Variants in SMAP1 observed in about 807,000 individuals in gnomAD.
SMAP1 encodes small ArfGAP 1.
SMAP1 carries 24 observed loss-of-function variants against 58.5 expected under a neutral mutation model. The ratio of observed to expected loss-of-function variants is 0.41; its 90% CI spans 0.30 to 0.58. SMAP1 has a LOEUF of 0.58. SMAP1 is among the 20% of genes least tolerant of loss of function. The probability of loss-of-function intolerance (pLI) is 0.29; values close to 1 mark genes in which losing one functional copy is unlikely to be tolerated. For missense variants in SMAP1, 563 were observed against 566.3 expected (o/e 0.99, Z 0.06); for synonymous variants, 216 against 196.6 (o/e 1.10, Z -0.82).
chr6:70,852,584 C>G lies in SMAP1; in HGVS notation c.709C>G (p.Pro237Ala). 6.2e-7 allele frequency: 1 copy of G among 1,609,224 alleles called. No individual in the cohort carries two copies. Among genetic ancestry groups the G allele is most frequent in the Non-Finnish European group, 8.5e-7 (1 of 1,177,622 alleles). ...APVTNGNTTV[P>A]PLNDDLDIFG... ...AGTGACCAACGGGAACACAACGGTGCCACCCCTGAACGATGATCTGGACAT... is the reference window on the plus strand; with the variant it reads ...AGTGACCAACGGGAACACAACGGTGGCACCCCTGAACGATGATCTGGACAT... The change falls in exon 8 of 11, where the codon CCA becomes GCA. Residue 237 changes from proline to alanine, a missense_variant. Physicochemically the swap from Pro to Ala is conservative, Grantham distance 27. This residue lies in a region of SMAP1 where 494 missense variants were observed against 473.8 expected (regional missense o/e 1.04). Transcript: ENST00000370455.
chr6:70,719,866 C>T (rs112180235), intron 1 of SMAP1, among the ~76,000 whole-genome samples: 6 of 152,268 alleles, frequency 3.9e-5, no homozygotes, highest in African/African-American at 1.4e-4. Context: ...CCTCCTACAA[C>T]ATGTGGGAAT....
intron 6 of SMAP1, 87 bp from the exon 7 acceptor site, chr6:70,836,850 AACTT>A (rs138117752): frequency 0.034 from 35,209 of 1,036,822 alleles, 688 homozygotes; most frequent in Non-Finnish European, 0.041. Context: ...TTTTTACACT[AACTT>A]TATCAGAACC....
chr6:70,839,737 A>G (rs1031210698), intron 7 of SMAP1, among the ~76,000 whole-genome samples: 2 of 152,188 alleles, frequency 1.3e-5, no homozygotes, highest in Admixed American at 1.3e-4. Flanking sequence ...AGCAGGGAAG[A>G]GGAAGTGTCT....
In SMAP1 at chr6:70,794,791, T is replaced by C. The variant is rs1412426653; in HGVS notation, c.495+3022T>C. On this transcript the variant is annotated intron_variant, in intron 5 of 10. Coordinates refer to ENST00000370455, the MANE Select transcript of SMAP1 (RefSeq NM_001044305.3). Reference sequence around the variant, plus strand: ...GTATTGTGCCACATTTTCTTTTCTTTTTTTTTTTTTTTTTTGAGATGGAGT... The same window carrying C: ...GTATTGTGCCACATTTTCTTTTCTTCTTTTTTTTTTTTTTTGAGATGGAGT... Among the ~76,000 whole-genome samples, 5 of 146,082 alleles carry C rather than the reference T, an allele frequency of 3.4e-5. No individual in the cohort carries two copies. The East Asian group carries it at 9.8e-4, about 28-fold the overall frequency.
At position 70,668,131 on chromosome 6, in the gene SMAP1, C is replaced by T. The variant is rs1439240185; in HGVS notation, c.108C>T (p.Cys36=). ...REEDNKYCAD[C]EAKGPRWASW... ...AGGACAACAAGTACTGCGCCGACTGCGAGGCCAAAGGTAGCTTGGACGTCG... is the reference window on the plus strand; with the variant it reads ...AGGACAACAAGTACTGCGCCGACTGTGAGGCCAAAGGTAGCTTGGACGTCG... Residue 36 remains cysteine, a synonymous_variant, in exon 1 of 11, where the codon TGC becomes TGT. Coordinates refer to ENST00000370455, the MANE Select transcript of SMAP1 (RefSeq NM_001044305.3). 1.3e-6 allele frequency: 2 copies of T among 1,599,076 alleles called. No homozygotes were observed.
intron 6 of SMAP1, among the ~76,000 whole-genome samples, chr6:70,828,296 G>T (rs1770222213): frequency 6.6e-6 from 1 of 152,074 alleles, no homozygotes; most frequent in Non-Finnish European, 1.5e-5. Flanking sequence ...GATTTCAGTA[G>T]GTAATCAGAT....
intron 7 of SMAP1, among the ~76,000 whole-genome samples, chr6:70,840,112 A>G (rs1341246250): frequency 2.0e-5 from 3 of 152,236 alleles, no homozygotes; most frequent in African/African-American, 7.2e-5. Context: ...ATATCTCCGT[A>G]TGAGTGAGAC....
At chr6:70,835,461 C>A (rs374336537) in intron 6 of SMAP1, among the ~76,000 whole-genome samples, 1 of 152,076 alleles carries the variant, frequency 6.6e-6, no homozygotes, top group South Asian at 2.1e-4. Context: ...AAGAAATGAT[C>A]TTGAAATGGT....
intron 1 of SMAP1, among the ~76,000 whole-genome samples, chr6:70,706,809 G>A (rs1767858963): frequency 6.6e-6 from 1 of 152,134 alleles, no homozygotes; most frequent in South Asian, 2.1e-4. Context: ...ATGAATGTAT[G>A]GTCAAATAAT....
chr6:70,742,947 C>G (rs945414482), intron 2 of SMAP1, among the ~76,000 whole-genome samples: 1 of 152,168 alleles, frequency 6.6e-6, no homozygotes, highest in African/African-American at 2.4e-5. Flanking sequence ...AGGGGAAAAC[C>G]GCCCCCATGA....
intron 7 of SMAP1, among the ~76,000 whole-genome samples, chr6:70,845,044 A>G (rs531147429): frequency 6.6e-6 from 1 of 152,348 alleles, no homozygotes; most frequent in South Asian, 2.1e-4. Flanking sequence ...GGGAGTTTTC[A>G]TTGTAGCAAG....
At chr6:70,726,986 A>G (rs766979279) in intron 1 of SMAP1, among the ~76,000 whole-genome samples, 4 of 151,906 alleles carry the variant, frequency 2.6e-5, no homozygotes, top group Non-Finnish European at 4.4e-5. Context: ...TTTTTTGGCT[A>G]TATATTACAG....
chr6:70,746,528 T>C (rs1019690148), intron 2 of SMAP1, among the ~76,000 whole-genome samples: 5 of 152,156 alleles, frequency 3.3e-5, no homozygotes, highest in African/African-American at 1.2e-4. Flanking sequence ...AAGCTGACTG[T>C]ATCCTGGTGG....
At chr6:70,844,388 G>A (rs1290810406) in intron 7 of SMAP1, among the ~76,000 whole-genome samples, 2 of 152,096 alleles carry the variant, frequency 1.3e-5, no homozygotes, top group African/African-American at 2.4e-5. Context: ...GCACCATGGG[G>A]CTCTTCCCCT....
At chr6:70,828,565 T>G (rs543733572) in intron 6 of SMAP1, among the ~76,000 whole-genome samples, 1 of 152,292 alleles carries the variant, frequency 6.6e-6, no homozygotes, top group South Asian at 2.1e-4. Flanking sequence ...ACAACATACT[T>G]CTCCAGGAGT....
intron 7 of SMAP1, among the ~76,000 whole-genome samples, chr6:70,846,729 G>C (rs1771003879): frequency 6.6e-6 from 1 of 152,158 alleles, no homozygotes; most frequent in Admixed American, 6.5e-5. Flanking sequence ...CCTGCCCTCA[G>C]GGCACTATTT....
At position 70,860,378 on chromosome 6, in the gene SMAP1, CT is replaced by C; in HGVS notation, c.*46del. On this transcript the variant is annotated 3_prime_UTR_variant, in exon 11 of 11. Coordinates refer to ENST00000370455, the MANE Select transcript of SMAP1 (RefSeq NM_001044305.3). ...CATCCAGAACTACCACCTGACATTC[CT>C]TGCTGAAACGCATCTAGTTCCCCTG... 6.4e-7 allele frequency: 1 copy of C among 1,569,526 alleles called. No homozygotes were observed. The highest frequency in any genetic ancestry group is 2.3e-5 in the East Asian group (1 of 44,208).
At chr6:70,726,100 C>A (rs1768774156) in intron 1 of SMAP1, among the ~76,000 whole-genome samples, 1 of 152,084 alleles carries the variant, frequency 6.6e-6, no homozygotes, top group Non-Finnish European at 1.5e-5. Flanking sequence ...ATGTTTTGAG[C>A]CTAAATTTCT....
At chr6:70,855,633 T>C (rs1055564895) in intron 8 of SMAP1, among the ~76,000 whole-genome samples, 3 of 152,202 alleles carry the variant, frequency 2.0e-5, no homozygotes, top group Non-Finnish European at 2.9e-5. Context: ...CAGAACACTT[T>C]TGTGATCATT....
Sources: allele counts gnomAD v4.1 joint callset (sites outside exome capture counted in the v4.1 genomes callset), GRCh38; gene constraint gnomAD v4.1.1; regional missense constraint gnomAD v4.1.1; transcripts MANE v1.5; gene names NCBI Gene and HGNC (gene_info 2026-07-23, HGNC 2026-07-21).